The following GNB4 variants were observed in gnomAD, a reference collection of about 807,000 sequenced individuals.
GNB4 encodes guanine nucleotide-binding protein subunit beta-4.
A neutral mutation model predicts 45.2 loss-of-function variants in GNB4; 28 were observed. The ratio of observed to expected loss-of-function variants is 0.62; its 90% confidence interval spans 0.46 to 0.85. The LOEUF (loss-of-function observed/expected upper bound fraction) is 0.85, where lower values mean the gene tolerates loss of function less well. Ranked by LOEUF, GNB4 falls within the 40% of genes least tolerant of loss-of-function variation. The probability of loss-of-function intolerance (pLI) is 0.00; values close to 1 mark genes in which losing one functional copy is unlikely to be tolerated. For synonymous variants in GNB4, 132 were observed against 143.7 expected (o/e 0.92, Z 0.58); for missense variants, 321 against 425.4 (o/e 0.75, Z 2.16).
the GNB4 span, among the ~76,000 whole-genome samples, chr3:179,496,257 G>C: frequency 3.9e-5 from 6 of 152,054 alleles, no homozygotes; most frequent in Admixed American, 6.5e-5. Context: ...AAAATAGACT[G>C]TTATAACTAT....
chr3:179,433,959 G>A (rs962741462), intron 1 of GNB4, among the ~76,000 whole-genome samples: 3 of 152,312 alleles, frequency 2.0e-5, no homozygotes, highest in South Asian at 2.1e-4. Context: ...AGAATGTCAT[G>A]CCTATTAGAT....
intron 5 of GNB4, 82 bp downstream of exon 5, chr3:179,416,411 T>C: frequency 1.3e-6 from 1 of 762,820 alleles, no homozygotes; most frequent in East Asian, 2.8e-5. Context: ...AATTTAAGTT[T>C]GAGGTAAAAG....
At chr3:179,403,602 G>A (rs145390733) in intron 9 of GNB4, among the ~76,000 whole-genome samples, 2,223 of 152,194 alleles carry the variant, frequency 0.015, 64 homozygotes, top group African/African-American at 0.051. Flanking sequence ...AGACCAGCCT[G>A]ACCAACATGG....
chr3:179,502,966 A>T, the GNB4 span, among the ~76,000 whole-genome samples: 4 of 152,170 alleles, frequency 2.6e-5, no homozygotes, highest in Non-Finnish European at 4.4e-5. Context: ...CAGCCTCCCA[A>T]GTAGCTAGGA....
the GNB4 span, among the ~76,000 whole-genome samples, chr3:179,462,651 C>T: frequency 6.6e-6 from 1 of 151,994 alleles, no homozygotes; most frequent in African/African-American, 2.4e-5. Flanking sequence ...CCAGCCTGGC[C>T]AATATGGTGA....
chr3:179,439,025 A>C (rs1715530973), intron 1 of GNB4, among the ~76,000 whole-genome samples: 1 of 152,146 alleles, frequency 6.6e-6, no homozygotes, highest in Non-Finnish European at 1.5e-5. Flanking sequence ...GAGTGTGGGG[A>C]CCAGCAGCAT....
At chr3:179,470,472 A>G in the GNB4 span, among the ~76,000 whole-genome samples, 1 of 151,736 alleles carries the variant, frequency 6.6e-6, no homozygotes, top group African/African-American at 2.4e-5. Context: ...AGTTAAAAAA[A>G]AATTAATTGA....
Position 179,396,125 on chromosome 3 carries a change from CACA to C in GNB4, c.*5085_*5087del, listed in dbSNP as rs1466659549. 5 of 151,818 alleles carry C rather than the reference CACA, an allele frequency of 3.3e-5. No individual in the cohort carries two copies. Among genetic ancestry groups the C allele is most frequent in the East Asian group, 1.9e-4 (1 of 5,166 alleles). 9.4% of individuals were successfully genotyped at this position (151,818 alleles called of 1,614,324 possible). Reference sequence around the variant, plus strand: ...CACTTTATTGATTACAGTATCAATTCACAACATTTCATAAAGCCACTGTACAAA... The same window carrying C: ...CACTTTATTGATTACAGTATCAATTCACATTTCATAAAGCCACTGTACAAA... On this transcript the variant is annotated 3_prime_UTR_variant, in exon 10 of 10. Transcript: ENST00000232564.
chr3:179,454,961 G>T (rs1715957095), upstream of GNB4, among the ~76,000 whole-genome samples: 1 of 152,184 alleles, frequency 6.6e-6, no homozygotes. Context: ...TGTGGTTTCA[G>T]ACAGACATCC....
chr3:179,439,046 T>C (rs1715531559), intron 1 of GNB4, among the ~76,000 whole-genome samples: 1 of 152,124 alleles, frequency 6.6e-6, no homozygotes. Context: ...CAGCATCACG[T>C]AGAAACCTGT....
the GNB4 span, among the ~76,000 whole-genome samples, chr3:179,505,103 A>G: frequency 6.6e-6 from 1 of 152,218 alleles, no homozygotes; most frequent in Non-Finnish European, 1.5e-5. Context: ...TCCACAGCTA[A>G]CCTGCAGTGA....
chr3:179,494,299 G>GGA, the GNB4 span, among the ~76,000 whole-genome samples: 47 of 151,184 alleles, frequency 3.1e-4, no homozygotes, highest in African/African-American at 9.9e-4. Context: ...AAGAAAGAGA[G>GGA]AGGAAGGAAG....
chr3:179,494,013 A>G, the GNB4 span, among the ~76,000 whole-genome samples: 1 of 152,196 alleles, frequency 6.6e-6, no homozygotes. Context: ...GGATGCTAGT[A>G]CAAGTTGTTG....
chr3:179,515,439 G>A, the GNB4 span, among the ~76,000 whole-genome samples: 3 of 152,170 alleles, frequency 2.0e-5, no homozygotes, highest in Non-Finnish European at 2.9e-5. Flanking sequence ...CTGTGTTATA[G>A]GATTTGGGTA....
chr3:179,432,078 C>G (rs1416995138), intron 1 of GNB4, among the ~76,000 whole-genome samples: 2 of 152,168 alleles, frequency 1.3e-5, no homozygotes, highest in Admixed American at 6.5e-5. Flanking sequence ...CACATGACCC[C>G]ACTTTCTCAC....
chr3:179,465,316 C>G, the GNB4 span: 29 of 1,418,726 alleles, frequency 2.0e-5, no homozygotes, highest in Non-Finnish European at 2.6e-5. Context: ...TGAAGAATAC[C>G]ATTATGGCCG....
chr3:179,485,936 TCAAAA>T, the GNB4 span, among the ~76,000 whole-genome samples: 3 of 150,116 alleles, frequency 2.0e-5, no homozygotes, highest in Non-Finnish European at 3.0e-5. Context: ...AGACTCTGTC[TCAAAA>T]CAAAACAAAA....
the GNB4 span, among the ~76,000 whole-genome samples, chr3:179,505,829 A>G: frequency 1.3e-5 from 2 of 152,304 alleles, no homozygotes; most frequent in South Asian, 4.1e-4. Context: ...CCTTCAAACT[A>G]CGTCCCAAAG....
intron 1 of GNB4, among the ~76,000 whole-genome samples, chr3:179,435,504 A>C (rs1226172556): frequency 6.6e-6 from 1 of 151,712 alleles, no homozygotes; most frequent in Non-Finnish European, 1.5e-5. Context: ...AGAAGGGGAC[A>C]ATGTAATCGC....
Sources: gnomAD v4.1 joint callset for allele counts (sites outside exome capture counted in the v4.1 genomes callset) on GRCh38, gnomAD v4.1.1 for gene constraint, MANE v1.5 for transcripts, NCBI Gene and HGNC (gene_info 2026-07-23, HGNC 2026-07-21) for gene names.